Variants in TRIM24 observed in about 807,000 individuals in gnomAD.
The protein encoded by TRIM24 is tripartite motif containing 24, also known as transcription intermediary factor 1-alpha.
A neutral mutation model predicts 123.9 loss-of-function variants in TRIM24; 29 were observed. The ratio of observed to expected loss-of-function variants is 0.23; its 90% CI spans 0.17 to 0.32. TRIM24 has a LOEUF of 0.32. Ranked by LOEUF, TRIM24 falls within the 10% of genes least tolerant of loss-of-function variation. The pLI is 1.00. For synonymous variants in TRIM24, 456 were observed against 461.1 expected (o/e 0.99, Z 0.14); for missense variants, 932 against 1,295.3 (o/e 0.72, Z 4.31).
At chr7:138,580,046 G>A (rs1035103556) in intron 15 of TRIM24, among the ~76,000 whole-genome samples, 8 of 152,126 alleles carry the variant, frequency 5.3e-5, no homozygotes, top group African/African-American at 1.7e-4. Flanking sequence ...GCCAGGCATC[G>A]AACTGTATCT....
chr7:138,554,539 C>T lies in TRIM24; in HGVS notation c.1262-159C>T, dbSNP rs1481861071. ...TGTTGATGACTAGAAGTTAGATGAA[C>T]AAAAGCTGTTTGGGGGTTCTCTTTC... On this transcript the variant is annotated intron_variant, in intron 8 of 18. Coordinates refer to ENST00000343526, the MANE Select transcript of TRIM24 (RefSeq NM_015905.3). The surrounding 1 kb of genome is among the most constrained non-coding windows in gnomAD (Gnocchi z 4.5). Among the ~76,000 whole-genome samples the T allele has an allele frequency of 6.6e-6, 1 of 152,114 alleles. No homozygotes were observed. The highest frequency in any genetic ancestry group is 2.4e-5 in the African/African-American group (1 of 41,422).
intron 1 of TRIM24, among the ~76,000 whole-genome samples, chr7:138,477,266 G>A (rs753068000): frequency 6.6e-6 from 1 of 152,156 alleles, no homozygotes; most frequent in Non-Finnish European, 1.5e-5. Context: ...GTTGCAGTGA[G>A]CGGAGATCAG....
intron 1 of TRIM24, among the ~76,000 whole-genome samples, chr7:138,472,744 G>T (rs986345448): frequency 6.6e-6 from 1 of 152,172 alleles, no homozygotes; most frequent in Admixed American, 6.6e-5. Flanking sequence ...AACTATTAGG[G>T]TCTGAAACAA....
intron 1 of TRIM24, among the ~76,000 whole-genome samples, chr7:138,497,551 T>G (rs1000124877): frequency 1.3e-5 from 2 of 150,636 alleles, no homozygotes; most frequent in African/African-American, 4.9e-5. Context: ...GCTACCACCA[T>G]GTACAGCTAA....
intron 9 of TRIM24, among the ~76,000 whole-genome samples, chr7:138,565,035 C>T (rs1485636020): frequency 1.3e-5 from 2 of 152,130 alleles, no homozygotes; most frequent in Non-Finnish European, 2.9e-5. Context: ...GGGGCACCTC[C>T]CTAAGCCATA....
intron 4 of TRIM24, among the ~76,000 whole-genome samples, chr7:138,522,541 C>G (rs1320136537): frequency 6.6e-6 from 1 of 151,990 alleles, no homozygotes; most frequent in Non-Finnish European, 1.5e-5. Flanking sequence ...TACTGATACA[C>G]AATCCTGGAA....
chr7:138,546,606 G>T (rs1797107511), intron 7 of TRIM24, among the ~76,000 whole-genome samples: 1 of 152,294 alleles, frequency 6.6e-6, no homozygotes, highest in Non-Finnish European at 1.5e-5. Context: ...TTTGGAAAAA[G>T]ACTAATAACG....
At chr7:138,498,964 G>C (rs1243026134) in intron 1 of TRIM24, among the ~76,000 whole-genome samples, 2 of 152,092 alleles carry the variant, frequency 1.3e-5, no homozygotes, top group Non-Finnish European at 2.9e-5. Flanking sequence ...ATGTCAATTG[G>C]ATCAGGTTTG....
chr7:138,548,423 A>G (rs1281339598), intron 7 of TRIM24, among the ~76,000 whole-genome samples: 1 of 152,062 alleles, frequency 6.6e-6, no homozygotes, highest in East Asian at 1.9e-4. Context: ...GAGTCAAAAA[A>G]AAAAAAACAG....
intron 8 of TRIM24, among the ~76,000 whole-genome samples, chr7:138,553,308 T>C (rs1262695853): frequency 1.3e-5 from 2 of 152,192 alleles, no homozygotes; most frequent in African/African-American, 2.4e-5. Context: ...TCTAGATGAA[T>C]ATTTTGTTAC....
chr7:138,474,970 C>A (rs1334056813), intron 1 of TRIM24, among the ~76,000 whole-genome samples: 1 of 152,162 alleles, frequency 6.6e-6, no homozygotes, highest in Non-Finnish European at 1.5e-5. Context: ...ACTTGTTATG[C>A]ACCCTAACAA....
intron 1 of TRIM24, among the ~76,000 whole-genome samples, chr7:138,485,352 CT>C (rs879583060): frequency 0.026 from 3,792 of 144,256 alleles, 134 homozygotes; most frequent in African/African-American, 0.083. Context: ...CTGAGAAGAA[CT>C]TTTTTTTTTT....
intron 6 of TRIM24, among the ~76,000 whole-genome samples, chr7:138,530,652 A>G: frequency 6.7e-6 from 1 of 150,198 alleles, no homozygotes; most frequent in East Asian, 2.0e-4. Flanking sequence ...TTTTTTTAAG[A>G]GGGGGGGTTT....
At chr7:138,482,184 A>G (rs892822112) in intron 1 of TRIM24, among the ~76,000 whole-genome samples, 2 of 151,946 alleles carry the variant, frequency 1.3e-5, no homozygotes, top group Non-Finnish European at 2.9e-5. Context: ...CTGACCTCAA[A>G]TTGTCCTCCT....
At chr7:138,473,881 C>T (rs1410773241) in intron 1 of TRIM24, among the ~76,000 whole-genome samples, 1 of 152,160 alleles carries the variant, frequency 6.6e-6, no homozygotes, top group East Asian at 1.9e-4. Flanking sequence ...AGCCATCCTC[C>T]CACCTCAGCC....
At chr7:138,464,932 T>C (rs1178649287) in intron 1 of TRIM24, among the ~76,000 whole-genome samples, 1 of 152,200 alleles carries the variant, frequency 6.6e-6, no homozygotes, top group Non-Finnish European at 1.5e-5. Flanking sequence ...ATGCAAGCAG[T>C]ATTCTAAAAC....
At chr7:138,549,445 C>T (rs1584733372) in intron 7 of TRIM24, among the ~76,000 whole-genome samples, 2 of 152,052 alleles carry the variant, frequency 1.3e-5, no homozygotes, top group South Asian at 4.2e-4. Context: ...AACAGGTTGG[C>T]ATTGGAACCT....
At chr7:138,529,886 C>A (rs963572624) in intron 6 of TRIM24, among the ~76,000 whole-genome samples, 1 of 151,930 alleles carries the variant, frequency 6.6e-6, no homozygotes, top group Non-Finnish European at 1.5e-5. Context: ...TTTAGGTATT[C>A]TTTTAGTACG....
At chr7:138,506,509 C>A (rs1039801510) in intron 2 of TRIM24, among the ~76,000 whole-genome samples, 2 of 152,094 alleles carry the variant, frequency 1.3e-5, no homozygotes, top group African/African-American at 4.8e-5. Flanking sequence ...AAGTAATCTT[C>A]AAATGTAAAG....
Sources: allele counts gnomAD v4.1 joint callset (sites outside exome capture counted in the v4.1 genomes callset), GRCh38; gene constraint gnomAD v4.1.1; non-coding constraint Gnocchi (gnomAD v3.1); transcripts MANE v1.5; gene names NCBI Gene and HGNC (gene_info 2026-07-23, HGNC 2026-07-21).